HBP1: variants seen among roughly 807,000 people sequenced by gnomAD.
HBP1 encodes HMG box-containing protein 1.
In HBP1, 20 loss-of-function variants were observed where a neutral mutation model predicts 62.6. The ratio of observed to expected loss-of-function variants is 0.32; its 90% CI spans 0.22 to 0.46. HBP1 has a LOEUF of 0.46. Ranked by LOEUF, HBP1 falls within the 20% of genes least tolerant of loss-of-function variation. The pLI is 1.00. For missense variants in HBP1, 480 were observed against 611.8 expected (o/e 0.78, Z 2.27); for synonymous variants, 232 against 206.2 (o/e 1.12, Z -1.07).
At chr7:107,200,618 T>C (rs1053743360) in intron 10 of HBP1, 7 of 190,624 alleles carry the variant, frequency 3.7e-5, no homozygotes, top group Non-Finnish European at 6.4e-5. Flanking sequence ...TATTAATCCA[T>C]TAATATCACA....
chr7:107,186,166 CTT>C (rs80124304), intron 4 of HBP1, among the ~76,000 whole-genome samples, 193 bp from the exon 5 acceptor site: 5 of 116,126 alleles, frequency 4.3e-5, no homozygotes, highest in Non-Finnish European at 7.1e-5. Context: ...CTTTTTTTTT[CTT>C]TTTTTTTTTT....
At chr7:107,179,763 C>G (rs1166279811) in intron 1 of HBP1, 116 bp from the exon 2 acceptor site, 1 of 599,808 alleles carries the variant, frequency 1.7e-6, no homozygotes, top group African/African-American at 1.8e-5. Flanking sequence ...CAGAGTGTGA[C>G]TATGTCTCAA....
At chr7:107,199,736 A>C (rs1473003115) in intron 9 of HBP1, among the ~76,000 whole-genome samples, 1 of 152,240 alleles carries the variant, frequency 6.6e-6, no homozygotes, top group Non-Finnish European at 1.5e-5. Flanking sequence ...ATGTAGTCTT[A>C]TCAGTTTAAC....
At chr7:107,190,390 T>G in intron 8 of HBP1, 73 bp downstream of exon 8, 1 of 988,522 alleles carries the variant, frequency 1.0e-6, no homozygotes, top group Non-Finnish European at 1.5e-6. Context: ...GATGGTTAAG[T>G]CAGATATTTA....
intron 1 of HBP1, among the ~76,000 whole-genome samples, chr7:107,179,274 A>G (rs750922977): frequency 6.6e-6 from 1 of 152,202 alleles, no homozygotes; most frequent in Non-Finnish European, 1.5e-5. Context: ...ATCTGAAAGG[A>G]CGGTTACTAG....
At chr7:107,169,508 G>A (rs1277956876) in intron 1 of HBP1, among the ~76,000 whole-genome samples, 2 of 150,636 alleles carry the variant, frequency 1.3e-5, no homozygotes, top group Admixed American at 6.6e-5. Context: ...GGGCCAGGGC[G>A]GGGGAAGGGG....
At chr7:107,170,294 C>T (rs1240009164) in intron 1 of HBP1, among the ~76,000 whole-genome samples, 2 of 152,118 alleles carry the variant, frequency 1.3e-5, no homozygotes, top group Non-Finnish European at 2.9e-5. Context: ...CTCTGAATAG[C>T]CGTAAGCACT....
At chr7:107,169,797 G>A (rs938864539) in intron 1 of HBP1, 12 of 985,180 alleles carry the variant, frequency 1.2e-5, no homozygotes, top group African/African-American at 5.2e-5. Flanking sequence ...AGTCCGGGCT[G>A]CGGTCACATG....
intron 2 of HBP1, 38 bp from the exon 3 acceptor site, chr7:107,182,335 A>G: frequency 9.0e-7 from 1 of 1,113,202 alleles, no homozygotes; most frequent in South Asian, 1.2e-5. Flanking sequence ...TTGTATTAGT[A>G]ATTTCCTTTT....
chr7:107,186,026 A>C, intron 4 of HBP1, 84 bp downstream of exon 4: 45 of 1,012,656 alleles, frequency 4.4e-5, no homozygotes, highest in Non-Finnish European at 6.1e-5. Flanking sequence ...AAGTAGTCTC[A>C]CTGTTCTGTT....
At chr7:107,183,847 C>T (rs1797229755) in intron 3 of HBP1, among the ~76,000 whole-genome samples, 1 of 152,146 alleles carries the variant, frequency 6.6e-6, no homozygotes, top group African/African-American at 2.4e-5. Context: ...TGTTGTCTGG[C>T]CTACCTCCTA....
rs577883898 is a variant in HBP1, at chr7:107,193,789, A to G, written c.1068-2045A>G. ...TGATAGGAACATGAGCTCGATCTGGACTGCCTGGATTCAAATCCTGGCTCT... is the reference window on the plus strand; with the variant it reads ...TGATAGGAACATGAGCTCGATCTGGGCTGCCTGGATTCAAATCCTGGCTCT... On this transcript the variant is annotated intron_variant, in intron 8 of 10. Transcript: ENST00000222574. Among the ~76,000 whole-genome samples, 34 of 152,326 alleles carry G rather than the reference A, an allele frequency of 2.2e-4. No homozygotes were observed. In the South Asian group the frequency reaches 6.8e-3, roughly 31 times the overall value.
In HBP1 at chr7:107,196,145, A is replaced by G; in HGVS notation, c.1379A>G (p.Asp460Gly). Residue 460 changes from aspartate to glycine, a missense_variant, in exon 9 of 11, where the codon GAT (aspartate) becomes GGT (glycine). By Grantham distance (94) the Asp-to-Gly change is moderately conservative. This residue lies in a region of HBP1 where 52 missense variants were observed against 96.0 expected (regional missense o/e 0.54). Transcript: ENST00000222574. ...TATACTCAGATGTATCCAGGGAAAGATAACAGGTAAAAATAGTGATAATTC... is the reference window on the plus strand; with the variant it reads ...TATACTCAGATGTATCCAGGGAAAGGTAACAGGTAAAAATAGTGATAATTC... ...VEYTQMYPGK[D>G]NRAISVILGD... is the part of the protein sequence containing the mutation. The G allele has an allele frequency of 6.4e-7, 1 of 1,564,948 alleles. No individual in the cohort carries two copies. Among genetic ancestry groups the G allele is most frequent in the Non-Finnish European group, 8.8e-7 (1 of 1,135,702 alleles).
At chr7:107,178,952 T>TGAACCCAGG (rs1316027811) in intron 1 of HBP1, among the ~76,000 whole-genome samples, 1 of 152,210 alleles carries the variant, frequency 6.6e-6, no homozygotes, top group African/African-American at 2.4e-5. Flanking sequence ...GAGAATCGCT[T>TGAACCCAGG]GAACCCAGGA....
intron 1 of HBP1, among the ~76,000 whole-genome samples, chr7:107,171,046 A>AATATATATATATATATATATATAT (rs374693805): frequency 3.3e-5 from 2 of 60,524 alleles, no homozygotes; most frequent in African/African-American, 1.5e-4. Flanking sequence ...TACATGTATA[A>AATATATATATATATATATATATAT]ATATATATAT....
At chr7:107,189,526 T>C (rs1797546465) in intron 7 of HBP1, 78 bp downstream of exon 7, 4 of 1,139,054 alleles carry the variant, frequency 3.5e-6, no homozygotes, top group Non-Finnish European at 3.7e-6. Context: ...GTAGCTTTGA[T>C]GATTAAGAAA....
chr7:107,183,925 C>T (rs1797232847), intron 3 of HBP1, among the ~76,000 whole-genome samples: 1 of 152,054 alleles, frequency 6.6e-6, no homozygotes, highest in African/African-American at 2.4e-5. Context: ...TATCTGAAGT[C>T]TATAGTTAAG....
intron 1 of HBP1, among the ~76,000 whole-genome samples, chr7:107,172,067 TC>T (rs1182842463): frequency 1.3e-5 from 2 of 152,112 alleles, no homozygotes; most frequent in Non-Finnish European, 2.9e-5. Flanking sequence ...TTCACATTTT[TC>T]ATATACTTAT....
intron 1 of HBP1, among the ~76,000 whole-genome samples, chr7:107,177,828 G>C (rs1344926082): frequency 1.3e-5 from 2 of 152,132 alleles, no homozygotes; most frequent in East Asian, 3.9e-4. Flanking sequence ...GGTGGGGTTA[G>C]AAGTAATCAT....
Sources: allele counts gnomAD v4.1 joint callset (sites outside exome capture counted in the v4.1 genomes callset), GRCh38; gene constraint gnomAD v4.1.1; regional missense constraint gnomAD v4.1.1; transcripts MANE v1.5; gene names NCBI Gene and HGNC (gene_info 2026-07-23, HGNC 2026-07-21).